SLC17A1: variants seen among roughly 807,000 people sequenced by gnomAD.
The protein encoded by SLC17A1 is solute carrier family 17 member 1.
Under a neutral mutation model 53.5 loss-of-function variants are expected in SLC17A1, and 51 were observed. That is an observed-to-expected ratio of 0.95 (90% CI 0.76 to 1.20). SLC17A1 has a LOEUF of 1.20. Ranked by LOEUF, SLC17A1 falls within the 50% of genes most tolerant of loss-of-function variation. The pLI is 0.00. For synonymous variants in SLC17A1, 179 were observed against 198.8 expected (o/e 0.90, Z 0.84); for missense variants, 538 against 568.2 (o/e 0.95, Z 0.54).
the SLC17A1 span, chr6:25,726,282 G>T: frequency 2.5e-6 from 4 of 1,614,096 alleles, no homozygotes; most frequent in South Asian, 4.4e-5. Flanking sequence ...GCTGCAGGTG[G>T]CGGGGAATAA....
At chr6:25,727,813 A>T in the SLC17A1 span, among the ~76,000 whole-genome samples, 1 of 151,800 alleles carries the variant, frequency 6.6e-6, no homozygotes, top group East Asian at 2.0e-4. Flanking sequence ...AGGTTAAGAG[A>T]CGGAGACCAT....
chr6:25,780,817 T>C (rs773721502), downstream of SLC17A1: 1 of 152,200 alleles, frequency 6.6e-6, no homozygotes, highest in Non-Finnish European at 1.5e-5. Context: ...GATTATTTGA[T>C]TTAGGGAATA....
chr6:25,761,175 T>C, the SLC17A1 span, among the ~76,000 whole-genome samples: 1 of 152,212 alleles, frequency 6.6e-6, no homozygotes, highest in South Asian at 2.1e-4. Context: ...AGATATGAAC[T>C]TTCACAATTT....
intron 12 of SLC17A1, among the ~76,000 whole-genome samples, chr6:25,798,382 AACCATTGTAAATTCTTAG>A (rs1443659676): frequency 1.3e-5 from 2 of 152,186 alleles, no homozygotes; most frequent in Admixed American, 6.5e-5. Context: ...CTCTTGCCTA[AACCATTGTAAATTCTTAG>A]ACCTTATATA....
chr6:25,787,883 G>C (rs1022179066), intron 12 of SLC17A1, among the ~76,000 whole-genome samples: 1 of 152,118 alleles, frequency 6.6e-6, no homozygotes, highest in Non-Finnish European at 1.5e-5. Context: ...AGAGTCCTTG[G>C]GGGAAAAGGA....
chr6:25,767,409 T>A, the SLC17A1 span, among the ~76,000 whole-genome samples: 1 of 152,154 alleles, frequency 6.6e-6, no homozygotes, highest in Non-Finnish European at 1.5e-5. Flanking sequence ...TCAGTTGTTA[T>A]CACAGTGCCT....
At chr6:25,819,009 A>T in intron 6 of SLC17A1, 59 bp downstream of exon 6, 1 of 1,108,290 alleles carries the variant, frequency 9.0e-7, no homozygotes, top group Non-Finnish European at 1.3e-6. Flanking sequence ...ATTGGGTTTT[A>T]ATGTTTAAAT....
chr6:25,825,321 AC>A (rs1214112748), intron 3 of SLC17A1, among the ~76,000 whole-genome samples: 1 of 152,002 alleles, frequency 6.6e-6, no homozygotes, highest in Non-Finnish European at 1.5e-5. Context: ...AAATTGAAGG[AC>A]AAAAATTGAA....
At chr6:25,796,367 C>T (rs998396118) in intron 12 of SLC17A1, among the ~76,000 whole-genome samples, 6 of 151,898 alleles carry the variant, frequency 4.0e-5, no homozygotes, top group African/African-American at 1.5e-4. Context: ...TGTGAGTACA[C>T]CATTATGGGA....
chr6:25,800,856 T>C (rs757861616), intron 11 of SLC17A1, 34 bp downstream of exon 11: 1 of 1,310,360 alleles, frequency 7.6e-7, no homozygotes, highest in Non-Finnish European at 1.1e-6. Flanking sequence ...CAATTAATAT[T>C]GGAAAAATAA....
At chr6:25,783,929 T>C (rs1763323193) in intron 12 of SLC17A1, among the ~76,000 whole-genome samples, 1 of 151,968 alleles carries the variant, frequency 6.6e-6, no homozygotes, top group Non-Finnish European at 1.5e-5. Context: ...GGTTAATAGG[T>C]GTCCAGATTA....
chr6:25,820,897 CA>C (rs59962368), intron 3 of SLC17A1, among the ~76,000 whole-genome samples: 155 of 62,204 alleles, frequency 2.5e-3, no homozygotes, highest in Middle Eastern at 8.3e-3. Flanking sequence ...GACTCCATCT[CA>C]AAAAAAAAAA....
chr6:25,745,538 C>G, the SLC17A1 span, among the ~76,000 whole-genome samples: 1 of 152,170 alleles, frequency 6.6e-6, no homozygotes, highest in African/African-American at 2.4e-5. Context: ...GAAATTCACA[C>G]GTTTCCCAAT....
chr6:25,742,663 G>T, the SLC17A1 span, among the ~76,000 whole-genome samples: 2 of 152,060 alleles, frequency 1.3e-5, no homozygotes, highest in African/African-American at 4.8e-5. Context: ...ATTTAGTCGG[G>T]TGTGGTGGCA....
the SLC17A1 span, among the ~76,000 whole-genome samples, chr6:25,771,600 T>C: frequency 6.6e-6 from 1 of 152,050 alleles, no homozygotes; most frequent in Non-Finnish European, 1.5e-5. Context: ...GAAAATGTTA[T>C]TTTAGTCAGA....
At chr6:25,812,739 C>A in intron 8 of SLC17A1, 92 bp downstream of exon 8, 1 of 877,988 alleles carries the variant, frequency 1.1e-6, no homozygotes, top group South Asian at 1.8e-5. Context: ...GTGTGAGGAG[C>A]TGGCAAGAGC....
At chr6:25,746,210 T>C in the SLC17A1 span, among the ~76,000 whole-genome samples, 9 of 152,196 alleles carry the variant, frequency 5.9e-5, no homozygotes, top group Non-Finnish European at 1.3e-4. Context: ...ATGGAAAGCA[T>C]AGTTAATCAC....
intron 12 of SLC17A1, among the ~76,000 whole-genome samples, chr6:25,793,854 A>C (rs564054082): frequency 2.0e-5 from 3 of 152,322 alleles, no homozygotes; most frequent in Admixed American, 6.5e-5. Flanking sequence ...TAAAAATCAC[A>C]GGTATTTTCC....
At chr6:25,739,513 A>C in the SLC17A1 span, among the ~76,000 whole-genome samples, 31 of 152,324 alleles carry the variant, frequency 2.0e-4, no homozygotes, top group African/African-American at 7.0e-4. Flanking sequence ...ATTGTTTTTA[A>C]TAGGTAAGCC....
Sources: allele counts gnomAD v4.1 joint callset (sites outside exome capture counted in the v4.1 genomes callset), GRCh38; gene constraint gnomAD v4.1.1; transcripts MANE v1.5; gene names NCBI Gene and HGNC (gene_info 2026-07-23, HGNC 2026-07-21).